The following SRD5A3 variants were observed in gnomAD, a reference collection of about 807,000 sequenced individuals.
SRD5A3 encodes steroid 5 alpha-reductase 3, also known as polyprenal reductase.
In SRD5A3, 24 loss-of-function variants were observed where a neutral mutation model predicts 34.3. The ratio of observed to expected loss-of-function variants is 0.70; its 90% CI spans 0.51 to 0.99. SRD5A3 has a LOEUF of 0.99. Ranked by LOEUF, SRD5A3 falls within the 50% of genes least tolerant of loss-of-function variation. SRD5A3 has a pLI of 0.00. For synonymous variants in SRD5A3, 161 were observed against 167.3 expected (o/e 0.96, Z 0.29); for missense variants, 350 against 388.2 (o/e 0.90, Z 0.83).
At chr4:55,368,335 C>T (rs1407620048) in intron 4 of SRD5A3, among the ~76,000 whole-genome samples, 2 of 149,660 alleles carry the variant, frequency 1.3e-5, no homozygotes, top group Non-Finnish European at 3.0e-5. Context: ...GCTGAGATCA[C>T]GCCACTGCGC....
rs1292694141 is a variant in SRD5A3, at chr4:55,346,278, C to T, written c.-59C>T. On this transcript the variant is annotated 5_prime_UTR_variant, in exon 1 of 5. Transcript: ENST00000264228. ...GGTGCGCCGCGCGCTAGTGGCCGCT[C>T]TTCCGCGGGCTAGCGGGCGGTGGGG... The T allele has an allele frequency of 2.2e-6, 3 of 1,340,076 alleles. No homozygotes were observed. Among genetic ancestry groups the T allele is most frequent in the Non-Finnish European group, 2.9e-6 (3 of 1,047,746 alleles). 83.0% of individuals were successfully genotyped at this position (1,340,076 alleles called of 1,614,324 possible).
chr4:55,367,444 C>G (rs1401819247), intron 3 of SRD5A3, 144 bp from the exon 4 acceptor site: 1 of 916,882 alleles, frequency 1.1e-6, no homozygotes, highest in Non-Finnish European at 1.7e-6. Context: ...GGAACAGGTT[C>G]CCCTCTTTGT....
chr4:55,352,885 T>A (rs956977588), intron 1 of SRD5A3, among the ~76,000 whole-genome samples: 6 of 152,176 alleles, frequency 3.9e-5, no homozygotes, highest in African/African-American at 1.4e-4. Flanking sequence ...GCAGGGTTAT[T>A]TGATCATGAG....
chr4:55,367,424 G>A (rs1578212023), intron 3 of SRD5A3, among the ~76,000 whole-genome samples, 164 bp from the exon 4 acceptor site: 2 of 152,134 alleles, frequency 1.3e-5, no homozygotes, highest in African/African-American at 2.4e-5. Flanking sequence ...AAATTACATC[G>A]GGATATTGAG....
At chr4:55,352,335 G>C (rs76316332) in intron 1 of SRD5A3, 18,107 of 791,420 alleles carry the variant, frequency 0.023, 287 homozygotes, top group Non-Finnish European at 0.03. Context: ...ATCCTTTTCT[G>C]TAAGCCTCTG....
chr4:55,359,506 T>G lies in SRD5A3; in HGVS notation c.364+18T>G. The G allele has an allele frequency of 6.2e-7, 1 of 1,613,924 alleles. No homozygotes were observed. The highest frequency in any genetic ancestry group is 1.1e-5 in the South Asian group (1 of 91,070). Reference sequence around the variant, plus strand: ...GTTCCAGGGTAAGGACTCCCTGGGCTTATGACAACGCTGCATCCCGTTTCT... The same window carrying G: ...GTTCCAGGGTAAGGACTCCCTGGGCGTATGACAACGCTGCATCCCGTTTCT... On this transcript the variant is annotated intron_variant, in intron 2 of 4. Transcript: ENST00000264228.
Position 55,364,132 on chromosome 4 carries a change from A to G in SRD5A3, c.423A>G (p.Leu141=), listed in dbSNP as rs143299030. ...LVLVFLWLHS[L]RRLFECLYVS... The stretch of plus-strand genomic sequence containing the variant: ...TAGTATTTCTGTGGCTGCACAGCTT[A>G]CGAAGACTCTTCGAGTGCCTCTACG... The change falls in exon 3 of 5, where the codon TTA becomes TTG. Residue 141 remains leucine (L), a synonymous_variant. Coordinates refer to ENST00000264228, the MANE Select transcript of SRD5A3 (RefSeq NM_024592.5). 7 of 1,614,098 alleles carry G rather than the reference A, an allele frequency of 4.3e-6. No individual in the cohort carries two copies. The African/African-American group carries it at 9.3e-5, about 22-fold the overall frequency.
At position 55,346,495 on chromosome 4, in the gene SRD5A3, G is replaced by A; in HGVS notation, c.159G>A (p.Gly53=). The change falls in exon 1 of 5, where the codon GGG becomes GGA. Residue 53 remains glycine (G), a synonymous_variant. Transcript: ENST00000264228. ...CAIFQDLIRY[G]KTKCGEPSRP... ...TCTTCCAGGACCTGATCCGCTATGG[G>A]AAAACCAAGTGTGGGGAGCCGTCGC... is the stretch of plus-strand genomic sequence containing the variant. The A allele has an allele frequency of 6.2e-7, 1 of 1,603,524 alleles. No homozygotes were observed.
chr4:55,350,096 G>A (rs1719131312), intron 1 of SRD5A3, among the ~76,000 whole-genome samples: 1 of 152,174 alleles, frequency 6.6e-6, no homozygotes, highest in East Asian at 1.9e-4. Context: ...CAGGCTGGGT[G>A]CAGTGGCTCA....
rs778788864 is a variant in SRD5A3, at chr4:55,364,217, T to C, written c.508T>C (p.Tyr170His). 29 of 1,614,058 alleles carry C rather than the reference T, an allele frequency of 1.8e-5. No homozygotes were observed. In the East Asian group the frequency reaches 2.7e-4, roughly 15 times the overall value. Reference protein sequence around the residue: ...VVQYCFGLVYYVLVGLTVLSQ... With the variant: ...VVQYCFGLVYHVLVGLTVLSQ... Reference sequence around the variant, plus strand: ...GCAGTACTGTTTTGGACTTGTCTATTATGTCCTTGTTGGCCTAACTGTGCT... The same window carrying C: ...GCAGTACTGTTTTGGACTTGTCTATCATGTCCTTGTTGGCCTAACTGTGCT... The change falls in exon 3 of 5, where the codon TAT becomes CAT. Residue 170 changes from tyrosine (Y) to histidine (H), a missense_variant. By Grantham distance (83) the Tyr-to-His change is moderately conservative (BLOSUM62 2). Around this residue, in one of 3 missense-constraint regions of SRD5A3, gnomAD observed 186 missense variants for 221.4 expected, o/e 0.84. Transcript: ENST00000264228.
At chr4:55,365,623 T>C (rs907939218) in intron 3 of SRD5A3, 1 of 152,182 alleles carries the variant, frequency 6.6e-6, no homozygotes, top group African/African-American at 2.4e-5. Flanking sequence ...TCTCCCGGAG[T>C]TTCCTCTACT....
In SRD5A3 at chr4:55,372,505, T is replaced by C. The variant is rs1380367757; in HGVS notation, c.*2414T>C. On this transcript the variant is annotated 3_prime_UTR_variant, in exon 5 of 5. Transcript: ENST00000264228. ...GAAAGGGGTTCAGAACAACGTAGCA[T>C]GGCCTTTGGTGAAAGCGTCACCGAT... The C allele has an allele frequency of 6.6e-6, 1 of 152,178 alleles. No homozygotes were observed. The highest frequency in any genetic ancestry group is 1.5e-5 in the Non-Finnish European group (1 of 68,028). The allele number at this position is 152,178 out of a possible 1,614,324, so 9.4% of individuals were successfully genotyped here.
At chr4:55,361,110 G>C (rs1045143563) in intron 2 of SRD5A3, among the ~76,000 whole-genome samples, 3 of 152,158 alleles carry the variant, frequency 2.0e-5, no homozygotes, top group Admixed American at 6.6e-5. Flanking sequence ...TCTGTCCTTT[G>C]TTCCAGTGGC....
chr4:55,360,377 G>A (rs1339106779), intron 2 of SRD5A3, among the ~76,000 whole-genome samples: 1 of 151,674 alleles, frequency 6.6e-6, no homozygotes, highest in East Asian at 1.9e-4. Context: ...GTGGTGGCAG[G>A]CGCTTGTAAT....
intron 3 of SRD5A3, chr4:55,364,671 G>A (rs559040127): frequency 8.0e-5 from 21 of 262,762 alleles, no homozygotes; most frequent in Admixed American, 2.5e-4. Context: ...AGCCGAGATC[G>A]CGCTACTGCA....
At chr4:55,360,687 CG>C (rs770050829) in intron 2 of SRD5A3, among the ~76,000 whole-genome samples, 3,224 of 123,180 alleles carry the variant, frequency 0.026, 118 homozygotes, top group African/African-American at 0.084. Context: ...GAATATGGAA[CG>C]TTTTTTTTTT....
At chr4:55,363,736 G>A (rs576699426) in intron 2 of SRD5A3, among the ~76,000 whole-genome samples, 1 of 152,192 alleles carries the variant, frequency 6.6e-6, no homozygotes, top group East Asian at 1.9e-4. Context: ...TACCAGGAAC[G>A]CTTCCAGTTT....
intron 1 of SRD5A3, among the ~76,000 whole-genome samples, chr4:55,358,752 A>G (rs1202192425): frequency 6.6e-6 from 1 of 152,172 alleles, no homozygotes; most frequent in East Asian, 1.9e-4. Context: ...TGAGAATTAT[A>G]ACCATAAGGA....
intron 1 of SRD5A3, chr4:55,352,375 T>A (rs1719228672): frequency 1.3e-6 from 1 of 782,154 alleles, no homozygotes; most frequent in African/African-American, 1.7e-5. Context: ...CACTTCATGG[T>A]CGCATACTTC....
Sources: gnomAD v4.1 joint callset for allele counts (sites outside exome capture counted in the v4.1 genomes callset) on GRCh38, gnomAD v4.1.1 for gene constraint, gnomAD v4.1.1 regional missense constraint, MANE v1.5 for transcripts, NCBI Gene and HGNC (gene_info 2026-07-23, HGNC 2026-07-21) for gene names.